GRK5: variants seen among roughly 807,000 people sequenced by gnomAD.
GRK5 encodes G protein-coupled receptor kinase 5.
Under a neutral mutation model 78.4 loss-of-function variants are expected in GRK5, and 40 were observed. The ratio of observed to expected loss-of-function variants is 0.51; its 90% CI spans 0.40 to 0.66. The LOEUF (loss-of-function observed/expected upper bound fraction) is 0.66, where lower values mean the gene tolerates loss of function less well. Among genes scored for constraint, GRK5 ranks in the 30% least tolerant of loss-of-function variants. The pLI is 0.00. For missense variants in GRK5, 598 were observed against 759.9 expected (o/e 0.79, Z 2.50); for synonymous variants, 289 against 296.8 (o/e 0.97, Z 0.27).
chr10:119,325,315 G>A (rs994132549), intron 1 of GRK5, among the ~76,000 whole-genome samples: 7 of 152,210 alleles, frequency 4.6e-5, no homozygotes, highest in Non-Finnish European at 1.0e-4. Flanking sequence ...TAGGCAGCAG[G>A]GGATGGCCAC....
At chr10:119,225,982 GGGACTACA>G (rs1474353508) in intron 1 of GRK5, among the ~76,000 whole-genome samples, 1 of 151,764 alleles carries the variant, frequency 6.6e-6, no homozygotes, top group African/African-American at 2.4e-5. Flanking sequence ...CCGTGTAGCT[GGGACTACA>G]GGTGCCCGCC....
At chr10:119,209,470 C>CTG (rs1197763850) in intron 1 of GRK5, among the ~76,000 whole-genome samples, 55 of 137,958 alleles carry the variant, frequency 4.0e-4, no homozygotes, top group South Asian at 2.8e-3. Flanking sequence ...AAGGCCTGAG[C>CTG]TGTGTGTGTG....
At chr10:119,246,754 G>A (rs1212597782) in intron 1 of GRK5, among the ~76,000 whole-genome samples, 1 of 152,202 alleles carries the variant, frequency 6.6e-6, no homozygotes, top group African/African-American at 2.4e-5. Context: ...CCTAGTTGAG[G>A]TTTAAAGCTC....
chr10:119,277,084 G>A (rs1849683093), intron 1 of GRK5, among the ~76,000 whole-genome samples: 1 of 152,190 alleles, frequency 6.6e-6, no homozygotes, highest in Admixed American at 6.5e-5. Flanking sequence ...AGCCTAATTT[G>A]GTGAACAAAT....
chr10:119,404,300 C>T (rs965728836), intron 4 of GRK5, among the ~76,000 whole-genome samples: 7 of 152,106 alleles, frequency 4.6e-5, no homozygotes, highest in Admixed American at 4.6e-4. Flanking sequence ...GCTTTTTGGC[C>T]ACTTGTGTAA....
intron 2 of GRK5, among the ~76,000 whole-genome samples, chr10:119,335,410 C>A (rs1850866977): frequency 6.6e-6 from 1 of 152,118 alleles, no homozygotes; most frequent in African/African-American, 2.4e-5. Context: ...GTCCCCCAGG[C>A]TGGAGTGCAG....
Position 119,264,808 on chromosome 10 carries a change from C to T in GRK5, c.52+56839C>T, listed in dbSNP as rs1849468364. On this transcript the variant is annotated intron_variant, in intron 1 of 15. Coordinates refer to ENST00000392870, the MANE Select transcript of GRK5 (RefSeq NM_005308.3). This position sits in a 1 kb window ranked among gnomAD's most constrained non-coding sequence, Gnocchi z 4.1. ...TTACCCACTACATGCCCTGCCCACT[C>T]CCTTTTCCTCCTGGCCAGGGTGCCC... 6.6e-6 allele frequency among the ~76,000 whole-genome samples: 1 copy of T among 152,216 alleles called. No individual in the cohort carries two copies.
At chr10:119,313,353 GTGA>G (rs1395271482) in intron 1 of GRK5, among the ~76,000 whole-genome samples, 2 of 151,882 alleles carry the variant, frequency 1.3e-5, no homozygotes, top group Non-Finnish European at 2.9e-5. Flanking sequence ...GAGGGTGGTG[GTGA>G]TGATGGTGGT....
Position 119,336,221 on chromosome 10 carries a change from C to T in GRK5, c.148+9610C>T, listed in dbSNP as rs1364733871. On this transcript the variant is annotated intron_variant, in intron 2 of 15. Transcript: ENST00000392870. The surrounding 1 kb of genome is among the most constrained non-coding windows in gnomAD (Gnocchi z 4.5). ...CAGCTTCCTCTTCTTGGAAGCCTGC[C>T]CTGATTCCTGCAGTCCTCAGCCTTC... The T allele has an allele frequency of 6.6e-6, 1 of 152,308 alleles. No individual in the cohort carries two copies. Among genetic ancestry groups the T allele is most frequent in the Admixed American group, 6.5e-5 (1 of 15,278 alleles). 9.4% of individuals were successfully genotyped at this position (152,308 alleles called of 1,614,324 possible).
At chr10:119,347,595 G>A (rs1339566337) in intron 2 of GRK5, among the ~76,000 whole-genome samples, 4 of 152,256 alleles carry the variant, frequency 2.6e-5, no homozygotes, top group African/African-American at 4.8e-5. Context: ...CTCTGACCTG[G>A]AGACAAGGCC....
intron 9 of GRK5, among the ~76,000 whole-genome samples, chr10:119,439,346 T>C (rs1852985459): frequency 1.3e-5 from 2 of 152,354 alleles, no homozygotes; most frequent in Non-Finnish European, 2.9e-5. Context: ...CTCTTCCCAA[T>C]TGCACAGCTC....
At chr10:119,273,605 A>G (rs1008035093) in intron 1 of GRK5, among the ~76,000 whole-genome samples, 4 of 152,210 alleles carry the variant, frequency 2.6e-5, no homozygotes, top group Non-Finnish European at 5.9e-5. Flanking sequence ...GCTTTGACCC[A>G]CAGGGGAACT....
chr10:119,385,512 G>T (rs1348373132), intron 3 of GRK5, among the ~76,000 whole-genome samples: 3 of 152,210 alleles, frequency 2.0e-5, no homozygotes, highest in Non-Finnish European at 4.4e-5. Flanking sequence ...AGGGAGATCT[G>T]CTAGGAGGCT....
At position 119,232,501 on chromosome 10, in the gene GRK5, GCTGTGTTCC is replaced by G. The variant is rs1474401541; in HGVS notation, c.52+24534_52+24542del. Among the ~76,000 whole-genome samples, 7 of 152,294 alleles carry G rather than the reference GCTGTGTTCC, an allele frequency of 4.6e-5. No homozygotes were observed. In the East Asian group the frequency reaches 1.3e-3, roughly 29 times the overall value. On this transcript the variant is annotated intron_variant, in intron 1 of 15. Transcript: ENST00000392870. Reference sequence around the variant, plus strand: ...GAATGTTCCTAACTGATATGGTTTGGCTGTGTTCCCACCCACATCTCATCTTGAATTCCC... The same window carrying G: ...GAATGTTCCTAACTGATATGGTTTGGCACCCACATCTCATCTTGAATTCCC...
chr10:119,227,330 G>C (rs1180426872), intron 1 of GRK5, among the ~76,000 whole-genome samples: 1 of 152,290 alleles, frequency 6.6e-6, no homozygotes, highest in South Asian at 2.1e-4. Context: ...ACTTTGGGAA[G>C]CCGAGGTGGG....
chr10:119,413,126 A>G (rs762481871), intron 4 of GRK5, among the ~76,000 whole-genome samples: 1 of 152,062 alleles, frequency 6.6e-6, no homozygotes, highest in Non-Finnish European at 1.5e-5. Flanking sequence ...CTATGGTCAA[A>G]TGAAACCATG....
chr10:119,373,849 A>G (rs889679268), intron 2 of GRK5, among the ~76,000 whole-genome samples: 5 of 152,204 alleles, frequency 3.3e-5, no homozygotes, highest in African/African-American at 1.2e-4. Context: ...GCAAAAGACA[A>G]TAAAGTGAAG....
At position 119,448,251 on chromosome 10, in the gene GRK5, C is replaced by T. The variant is rs777994948; in HGVS notation, c.1395C>T (p.Phe465=). The change falls in exon 13 of 16, where the codon TTC becomes TTT. Residue 465 remains phenylalanine (F), a synonymous_variant. Transcript: ENST00000392870. ...RLEAGMLDPP[F]VPDPRAVYCK... is the part of the protein sequence containing the mutation. Reference sequence around the variant, plus strand: ...AAGCCGGGATGTTGGACCCTCCCTTCGTTCCAGACGTGAGTAGCCTCCCCC... The same window carrying T: ...AAGCCGGGATGTTGGACCCTCCCTTTGTTCCAGACGTGAGTAGCCTCCCCC... 3 of 1,592,852 alleles carry T rather than the reference C, an allele frequency of 1.9e-6. No homozygotes were observed. Among genetic ancestry groups the T allele is most frequent in the South Asian group, 1.1e-5 (1 of 87,908 alleles).
chr10:119,346,008 C>T (rs1411214899), intron 2 of GRK5, among the ~76,000 whole-genome samples: 2 of 152,016 alleles, frequency 1.3e-5, no homozygotes, highest in Non-Finnish European at 2.9e-5. Context: ...CCCCAAGGCC[C>T]TAGAGCATTC....
Sources: gnomAD v4.1 joint callset for allele counts (sites outside exome capture counted in the v4.1 genomes callset) on GRCh38, gnomAD v4.1.1 for gene constraint, Gnocchi (gnomAD v3.1) non-coding constraint, MANE v1.5 for transcripts, NCBI Gene and HGNC (gene_info 2026-07-23, HGNC 2026-07-21) for gene names.